The following NKAIN2 variants were observed in gnomAD, a reference collection of about 807,000 sequenced individuals.
The protein encoded by NKAIN2 is sodium/potassium transporting ATPase interacting 2, also known as sodium/potassium-transporting ATPase subunit beta-1-interacting protein 2.
In NKAIN2, 14 loss-of-function variants were observed where a neutral mutation model predicts 32.6. The ratio of observed to expected loss-of-function variants is 0.43; its 90% CI spans 0.28 to 0.67. The LOEUF is 0.67. Ranked by LOEUF, NKAIN2 falls within the 30% of genes least tolerant of loss-of-function variation. NKAIN2 has a pLI of 0.17. For missense variants in NKAIN2, 198 were observed against 258.3 expected, an observed-to-expected ratio of 0.77 and a Z score of 1.60; for synonymous variants, 80 against 87.2, an observed-to-expected ratio of 0.92 and a Z score of 0.46.
intron 2 of NKAIN2, among the ~76,000 whole-genome samples, chr6:124,283,596 G>C (rs1386580975): frequency 2.0e-5 from 3 of 152,176 alleles, no homozygotes; most frequent in African/African-American, 7.2e-5. Flanking sequence ...GTATGAGAAA[G>C]CCAGAATAAT....
chr6:124,360,498 G>A (rs1180351958), intron 3 of NKAIN2, among the ~76,000 whole-genome samples: 4 of 151,766 alleles, frequency 2.6e-5, no homozygotes, highest in African/African-American at 9.7e-5. Flanking sequence ...TACACATAGA[G>A]GTATAGTTAA....
intron 1 of NKAIN2, among the ~76,000 whole-genome samples, chr6:123,992,924 A>G (rs181492712): frequency 4.6e-5 from 7 of 152,278 alleles, no homozygotes; most frequent in Admixed American, 3.3e-4. Flanking sequence ...AGGCCCATAA[A>G]CTTAGTCATA....
intron 3 of NKAIN2, among the ~76,000 whole-genome samples, chr6:124,455,948 G>C (rs894107164): frequency 6.6e-6 from 1 of 151,824 alleles, no homozygotes; most frequent in Non-Finnish European, 1.5e-5. Context: ...AGTGTGTAGT[G>C]ACTTCCCACA....
chr6:124,153,179 G>A (rs1021617619), intron 1 of NKAIN2, among the ~76,000 whole-genome samples: 1 of 151,802 alleles, frequency 6.6e-6, no homozygotes, highest in Non-Finnish European at 1.5e-5. Flanking sequence ...AAAGATAAAT[G>A]TTGAGGTGAT....
At chr6:124,735,006 C>G (rs1398351596) in intron 4 of NKAIN2, among the ~76,000 whole-genome samples, 1 of 151,774 alleles carries the variant, frequency 6.6e-6, no homozygotes, top group Admixed American at 6.6e-5. Context: ...TAAATGTCAT[C>G]AACATTATAG....
At chr6:124,058,662 AG>A (rs1339395305) in intron 1 of NKAIN2, among the ~76,000 whole-genome samples, 1 of 152,164 alleles carries the variant, frequency 6.6e-6, no homozygotes, top group East Asian at 1.9e-4. Flanking sequence ...AGCCACACTC[AG>A]TCACCTGTTT....
chr6:124,608,328 G>GCACTCC (rs796430394), intron 3 of NKAIN2, among the ~76,000 whole-genome samples: 5 of 152,214 alleles, frequency 3.3e-5, no homozygotes, highest in African/African-American at 1.2e-4. Context: ...TGCAGACCGG[G>GCACTCC]CACTCCATAA....
chr6:123,971,925 C>A (rs1056964000), intron 1 of NKAIN2, among the ~76,000 whole-genome samples: 5 of 152,120 alleles, frequency 3.3e-5, no homozygotes, highest in Non-Finnish European at 7.4e-5. Context: ...GGCCTTTGAA[C>A]AACATGGGTT....
intron 3 of NKAIN2, among the ~76,000 whole-genome samples, chr6:124,459,087 T>A (rs1420442105): frequency 6.6e-6 from 1 of 151,878 alleles, no homozygotes; most frequent in East Asian, 1.9e-4. Flanking sequence ...GTGGGTACGC[T>A]AAAATTCCCT....
At chr6:123,997,749 G>T (rs1024893761) in intron 1 of NKAIN2, among the ~76,000 whole-genome samples, 4 of 151,486 alleles carry the variant, frequency 2.6e-5, no homozygotes, top group African/African-American at 9.7e-5. Flanking sequence ...GACTACAGGC[G>T]CCTGCCACCA....
At chr6:124,783,043 T>A (rs145265151) in intron 4 of NKAIN2, among the ~76,000 whole-genome samples, 1 of 152,232 alleles carries the variant, frequency 6.6e-6, no homozygotes, top group East Asian at 1.9e-4. Context: ...TCTTTGATCA[T>A]CTCCCAACCG....
chr6:124,504,149 G>A (rs1319165448), intron 3 of NKAIN2, among the ~76,000 whole-genome samples: 1 of 151,968 alleles, frequency 6.6e-6, no homozygotes, highest in African/African-American at 2.4e-5. Context: ...CTATTCACAT[G>A]TACACCAACA....
In NKAIN2 at chr6:124,324,280, C is replaced by T. The variant is rs1228213763; in HGVS notation, c.193-30987C>T. ...CATTCATTTAGATCATCTTTGATTT[C>T]TTTCATAAGTGTTTTGTAGTTTTTA... On this transcript the variant is annotated intron_variant, in intron 2 of 6. Coordinates refer to ENST00000368417, the MANE Select transcript of NKAIN2 (RefSeq NM_001040214.3). Among the ~76,000 whole-genome samples, 6 of 152,158 alleles carry T rather than the reference C, an allele frequency of 3.9e-5. No homozygotes were observed. The East Asian group carries it at 5.8e-4, about 15-fold the overall frequency.
chr6:124,528,925 G>A (rs924185294), intron 3 of NKAIN2, among the ~76,000 whole-genome samples: 4 of 152,064 alleles, frequency 2.6e-5, no homozygotes, highest in Admixed American at 2.0e-4. Flanking sequence ...TGAAATCAAG[G>A]TTTCAGTTAG....
intron 1 of NKAIN2, among the ~76,000 whole-genome samples, chr6:124,064,854 T>C (rs920581327): frequency 6.6e-5 from 10 of 152,210 alleles, no homozygotes; most frequent in African/African-American, 2.2e-4. Flanking sequence ...TATAAGAGGG[T>C]ATTTATGGCT....
At chr6:124,425,670 G>T (rs1048438190) in intron 3 of NKAIN2, among the ~76,000 whole-genome samples, 1 of 151,964 alleles carries the variant, frequency 6.6e-6, no homozygotes, top group African/African-American at 2.4e-5. Flanking sequence ...CAAAGAAGAC[G>T]TACCTACCAA....
chr6:123,932,700 A>T (rs1475352927), intron 1 of NKAIN2, among the ~76,000 whole-genome samples: 1 of 151,048 alleles, frequency 6.6e-6, no homozygotes. Flanking sequence ...TACAGGCGTG[A>T]GCCACCGCGC....
At chr6:124,371,115 A>G (rs1799743282) in intron 3 of NKAIN2, among the ~76,000 whole-genome samples, 1 of 152,188 alleles carries the variant, frequency 6.6e-6, no homozygotes, top group African/African-American at 2.4e-5. Flanking sequence ...AGCTGAGTTT[A>G]ATATTGCCAA....
chr6:124,664,838 G>C (rs1292915377), intron 4 of NKAIN2, among the ~76,000 whole-genome samples: 1 of 91,244 alleles, frequency 1.1e-5, no homozygotes, highest in East Asian at 3.4e-4. Context: ...AAAATTTCAA[G>C]TTAAAAAACA....
Sources: gnomAD v4.1 joint callset for allele counts (sites outside exome capture counted in the v4.1 genomes callset) on GRCh38, gnomAD v4.1.1 for gene constraint, MANE v1.5 for transcripts, NCBI Gene and HGNC (gene_info 2026-07-23, HGNC 2026-07-21) for gene names.